The following MTREX variants were observed in gnomAD, a reference collection of about 807,000 sequenced individuals.
MTREX encodes exosome RNA helicase MTR4.
In MTREX, 76 loss-of-function variants were observed where a neutral mutation model predicts 135.4. That is an observed-to-expected ratio of 0.56 (90% CI 0.47 to 0.68). MTREX has a LOEUF of 0.68. Among genes scored for constraint, MTREX ranks in the 30% least tolerant of loss-of-function variants. The pLI, the probability that MTREX is intolerant of heterozygous loss-of-function variation, is 0.00. For synonymous variants in MTREX, 404 were observed against 401.6 expected, an observed-to-expected ratio of 1.01 and a Z score of -0.07; for missense variants, 920 against 1,262.1, an observed-to-expected ratio of 0.73 and a Z score of 4.11.
At chr5:55,416,388 TAC>T (rs1750966435) in intron 25 of MTREX, among the ~76,000 whole-genome samples, 1 of 152,014 alleles carries the variant, frequency 6.6e-6, no homozygotes, top group Admixed American at 6.6e-5. Flanking sequence ...TATGAGTTTC[TAC>T]AGTCACAAGC....
chr5:55,308,176 TA>T lies in MTREX; in HGVS notation c.134+30del. ...AGGAAGAAGTTCCAGTTGTTGCTTT[TA>T]TTTTTTTTCTCGGTGGGGAGGAAGA... On this transcript the variant is annotated intron_variant, in intron 1 of 26. Transcript: ENST00000230640. 3.9e-6 allele frequency: 6 copies of T among 1,551,152 alleles called. No homozygotes were observed. The South Asian group carries it at 6.0e-5, about 16-fold the overall frequency.
intron 16 of MTREX, among the ~76,000 whole-genome samples, chr5:55,375,880 T>G (rs1004299976): frequency 2.4e-4 from 37 of 152,226 alleles, no homozygotes; most frequent in Admixed American, 5.9e-4. Flanking sequence ...AGCTGGTCCC[T>G]CCGTTTGGGG....
intron 5 of MTREX, chr5:55,329,292 A>G (rs1045832122): frequency 6.6e-6 from 1 of 151,190 alleles, no homozygotes; most frequent in African/African-American, 2.4e-5. Flanking sequence ...CAGCCTTCCT[A>G]GTAGATGGGA....
At chr5:55,366,079 T>C (rs1358682749) in intron 15 of MTREX, among the ~76,000 whole-genome samples, 2 of 152,134 alleles carry the variant, frequency 1.3e-5, no homozygotes, top group Non-Finnish European at 2.9e-5. Context: ...CTTGTGAGTT[T>C]AGGTTGCATT....
chr5:55,394,728 T>TA (rs1167479468), intron 19 of MTREX, among the ~76,000 whole-genome samples: 2 of 151,916 alleles, frequency 1.3e-5, no homozygotes, highest in Non-Finnish European at 2.9e-5. Context: ...AGTTTGGAAG[T>TA]AAAAATAAAA....
intron 13 of MTREX, among the ~76,000 whole-genome samples, chr5:55,351,745 C>CT (rs1561194496): frequency 5.9e-5 from 9 of 151,748 alleles, no homozygotes; most frequent in Admixed American, 4.6e-4. Flanking sequence ...ATCTGATTTA[C>CT]TTTTTTTAAA....
intron 14 of MTREX, 40 bp downstream of exon 14, chr5:55,353,309 T>G: frequency 2.2e-6 from 3 of 1,344,856 alleles, no homozygotes; most frequent in Non-Finnish European, 3.2e-6. Context: ...ATTTTTGTCT[T>G]TGTTATACTA....
At position 55,324,138 on chromosome 5, in the gene MTREX, A is replaced by G. The variant is rs1401684267; in HGVS notation, c.279A>G (p.Ala93=). ...EESITEDLSL[A]DLMPRVKVQS... ...TTAAACAATTCTTTTTAAGTTTGGC[A>G]GACCTGATGCCCAGAGTCAAGGTAC... The change falls in exon 3 of 27, where the codon GCA becomes GCG. Residue 93 remains alanine (A), a synonymous_variant. Transcript: ENST00000230640. 2 of 1,610,326 alleles carry G rather than the reference A, an allele frequency of 1.2e-6. No homozygotes were observed. The highest frequency in any genetic ancestry group is 2.7e-5 in the African/African-American group (2 of 74,562).
Position 55,414,227 on chromosome 5 carries a change from C to T in MTREX, c.2797C>T (p.Arg933Cys), listed in dbSNP as rs755316617. ...KLTEQLAGPL[R>C]QMQECAKRIA... The stretch of plus-strand genomic sequence containing the variant: ...AACAGAACAATTAGCAGGACCACTT[C>T]GTCAAATGCAGGTAAGGTTTTTTTT... Residue 933 changes from arginine (R) to cysteine (C), a missense_variant, in exon 24 of 27, where the codon CGT becomes TGT. By Grantham distance (180) the Arg-to-Cys change is radical (BLOSUM62 -3). This residue lies in a region of MTREX where 467 missense variants were observed against 589.7 expected (regional missense o/e 0.79). Coordinates refer to ENST00000230640, the MANE Select transcript of MTREX (RefSeq NM_015360.5). 1 of 1,544,838 alleles carries T rather than the reference C, an allele frequency of 6.5e-7. No individual in the cohort carries two copies. The highest frequency in any genetic ancestry group is 8.7e-7 in the Non-Finnish European group (1 of 1,149,668).
At chr5:55,408,601 G>A (rs559779980) in intron 22 of MTREX, among the ~76,000 whole-genome samples, 89 of 152,242 alleles carry the variant, frequency 5.8e-4, no homozygotes, top group Admixed American at 1.8e-3. Flanking sequence ...TAAAGGCAAA[G>A]TTTACTTTTT....
chr5:55,379,972 G>A (rs993031879), intron 18 of MTREX, among the ~76,000 whole-genome samples: 102 of 152,120 alleles, frequency 6.7e-4, no homozygotes, highest in African/African-American at 2.4e-3. Flanking sequence ...GTCTCGCTCT[G>A]TCGCCCAGGC....
Position 55,358,677 on chromosome 5 carries a change from A to G in MTREX, c.1638A>G (p.Thr546=). Residue 546 remains threonine, a synonymous_variant, in exon 15 of 27, where the codon ACA becomes ACG. Coordinates refer to ENST00000230640, the MANE Select transcript of MTREX (RefSeq NM_015360.5). ...ILMVDEKMSP[T]IGKQLLKGSA... ...TGGTAGATGAAAAGATGAGCCCAAC[A>G]ATTGGAAAACAATTACTTAAGGTAA... is the stretch of plus-strand genomic sequence containing the variant. 2 of 1,597,400 alleles carry G rather than the reference A, an allele frequency of 1.3e-6. No homozygotes were observed. Among genetic ancestry groups the G allele is most frequent in the South Asian group, 2.3e-5 (2 of 86,976 alleles).
At chr5:55,415,551 A>T (rs1750954091) in intron 24 of MTREX, among the ~76,000 whole-genome samples, 1 of 152,212 alleles carries the variant, frequency 6.6e-6, no homozygotes, top group Non-Finnish European at 1.5e-5. Flanking sequence ...AACTTAGAGG[A>T]AAACAATATG....
At chr5:55,313,479 A>G (rs986201348) in intron 1 of MTREX, among the ~76,000 whole-genome samples, 1 of 152,178 alleles carries the variant, frequency 6.6e-6, no homozygotes, top group Non-Finnish European at 1.5e-5. Flanking sequence ...GCTGACAATT[A>G]CATAATTAAA....
chr5:55,352,143 C>T (rs1260905971), intron 13 of MTREX, among the ~76,000 whole-genome samples: 1 of 151,974 alleles, frequency 6.6e-6, no homozygotes, highest in African/African-American at 2.4e-5. Flanking sequence ...CCTCAGCCTC[C>T]CAAAGTGCTG....
intron 25 of MTREX, among the ~76,000 whole-genome samples, chr5:55,420,901 A>T (rs569055558): frequency 6.6e-6 from 1 of 152,332 alleles, no homozygotes; most frequent in African/African-American, 2.4e-5. Flanking sequence ...AGTAAACCTG[A>T]ATATAAAAAA....
chr5:55,349,264 G>A (rs1749786989), intron 11 of MTREX, among the ~76,000 whole-genome samples: 1 of 148,960 alleles, frequency 6.7e-6, no homozygotes, highest in South Asian at 2.1e-4. Context: ...ATGGCTCACT[G>A]CAGCCTCAGC....
At chr5:55,368,526 T>A (rs1214442088) in intron 16 of MTREX, among the ~76,000 whole-genome samples, 1 of 152,240 alleles carries the variant, frequency 6.6e-6, no homozygotes, top group Non-Finnish European at 1.5e-5. Context: ...TTTATAACTA[T>A]CATGATTTAT....
At chr5:55,320,216 A>T (rs944977912) in intron 1 of MTREX, among the ~76,000 whole-genome samples, 10 of 149,916 alleles carry the variant, frequency 6.7e-5, no homozygotes, top group African/African-American at 2.5e-4. Context: ...TTTATTAAAA[A>T]GTCTTTTTTT....
Sources: allele counts gnomAD v4.1 joint callset (sites outside exome capture counted in the v4.1 genomes callset), GRCh38; gene constraint gnomAD v4.1.1; regional missense constraint gnomAD v4.1.1; transcripts MANE v1.5; gene names NCBI Gene and HGNC (gene_info 2026-07-23, HGNC 2026-07-21).